SIM1: variants seen among roughly 807,000 people sequenced by gnomAD.
The protein encoded by SIM1 is single-minded homolog 1.
Under a neutral mutation model 78.2 loss-of-function variants are expected in SIM1, and 18 were observed. That is an observed-to-expected ratio of 0.23 (90% CI 0.16 to 0.34). The LOEUF is 0.34. Ranked by LOEUF, SIM1 falls within the 10% of genes least tolerant of loss-of-function variation. SIM1 has a pLI of 1.00. For synonymous variants in SIM1, 417 were observed against 385.2 expected (o/e 1.08, Z -0.97); for missense variants, 939 against 975.1 (o/e 0.96, Z 0.49).
intron 9 of SIM1, among the ~76,000 whole-genome samples, chr6:100,424,024 C>A (rs532219502): frequency 2.0e-5 from 3 of 152,030 alleles, no homozygotes; most frequent in Non-Finnish European, 2.9e-5. Flanking sequence ...AGTGAATAAA[C>A]AAGGATTTAT....
At chr6:100,428,372 T>G (rs1000836257) in intron 9 of SIM1, among the ~76,000 whole-genome samples, 6 of 152,026 alleles carry the variant, frequency 3.9e-5, no homozygotes, top group Admixed American at 6.6e-5. Flanking sequence ...ATACAATATA[T>G]CTACAATAGA....
intron 10 of SIM1, among the ~76,000 whole-genome samples, chr6:100,419,594 G>C (rs990249050): frequency 4.6e-5 from 7 of 152,216 alleles, no homozygotes; most frequent in East Asian, 1.9e-4. Flanking sequence ...AATGACAAAG[G>C]CCACCTTGAT....
chr6:100,446,989 G>C (rs1772372267), intron 9 of SIM1, among the ~76,000 whole-genome samples: 1 of 152,204 alleles, frequency 6.6e-6, no homozygotes, highest in Non-Finnish European at 1.5e-5. Flanking sequence ...TTAATGCAGA[G>C]TTCGCTTAAA....
intron 2 of SIM1, among the ~76,000 whole-genome samples, chr6:100,456,090 T>G (rs1772646927): frequency 6.9e-6 from 1 of 144,142 alleles, no homozygotes; most frequent in African/African-American, 2.6e-5. Flanking sequence ...TTCCCGGAGG[T>G]TTGCCTTCTC....
intron 8 of SIM1, among the ~76,000 whole-genome samples, chr6:100,447,832 G>GT (rs35004858): frequency 1.3e-5 from 2 of 152,232 alleles, no homozygotes; most frequent in African/African-American, 4.8e-5. Flanking sequence ...GCCAGCCTTG[G>GT]TTTTTGTTCA....
chr6:100,399,031 T>G (rs944649907), intron 10 of SIM1, among the ~76,000 whole-genome samples: 1 of 152,012 alleles, frequency 6.6e-6, no homozygotes, highest in African/African-American at 2.4e-5. Flanking sequence ...TTGATTTGCA[T>G]TTCTCTAATG....
At position 100,390,730 on chromosome 6, in the gene SIM1, A is replaced by G. The variant is rs769192530; in HGVS notation, c.1932T>C (p.His644=). The G allele has an allele frequency of 6.2e-7, 1 of 1,614,078 alleles. No individual in the cohort carries two copies. Among genetic ancestry groups the G allele is most frequent in the Non-Finnish European group, 8.5e-7 (1 of 1,180,018 alleles). The part of the protein sequence containing the change: ...QQREGKMLSP[H]ENDYDNSPTA... ...TGGGACTGTTGTCATAGTCATTTTC[A>G]TGGGGGCTCAACATTTTTCCCTCTC... The change falls in exon 12 of 12, where the codon CAT becomes CAC. Residue 644 remains histidine (H), a synonymous_variant. Coordinates refer to ENST00000369208, the MANE Select transcript of SIM1 (RefSeq NM_005068.3).
chr6:100,431,852 C>T (rs75215301), intron 9 of SIM1, among the ~76,000 whole-genome samples: 3,252 of 152,204 alleles, frequency 0.021, 45 homozygotes, highest in East Asian at 0.043. Context: ...TGTCTTAAGC[C>T]GATGGCCCAG....
At chr6:100,434,497 A>G (rs961649320) in intron 9 of SIM1, among the ~76,000 whole-genome samples, 4 of 152,240 alleles carry the variant, frequency 2.6e-5, no homozygotes, top group Admixed American at 6.5e-5. Flanking sequence ...GTACTGAAAC[A>G]AGTGAAGCTC....
intron 6 of SIM1, 126 bp downstream of exon 6, chr6:100,449,235 GCT>G: frequency 2.8e-6 from 2 of 717,588 alleles, no homozygotes; most frequent in Non-Finnish European, 4.8e-6. Context: ...CTGGCCTGCG[GCT>G]CTTCGACGCA....
rs1289177826 is a variant in SIM1, at chr6:100,386,610, C to G, written c.*3751G>C. 6.6e-6 allele frequency: 1 copy of G among 151,982 alleles called. No individual in the cohort carries two copies. The highest frequency in any genetic ancestry group is 1.9e-4 in the East Asian group (1 of 5,194). 9.4% of individuals were successfully genotyped at this position (151,982 alleles called of 1,614,324 possible). On this transcript the variant is annotated 3_prime_UTR_variant, in exon 12 of 12. Coordinates refer to ENST00000369208, the MANE Select transcript of SIM1 (RefSeq NM_005068.3). ...GAAATAAAAATTGGAGCACACTACC[C>G]TTTTCTAGAAGATCCCCTAAAGCTT...
chr6:100,421,809 T>C (rs2114505598), intron 9 of SIM1, among the ~76,000 whole-genome samples: 1 of 152,286 alleles, frequency 6.6e-6, no homozygotes, highest in Non-Finnish European at 1.5e-5. Context: ...TCAGTTTTCA[T>C]AAGAGGATAT....
chr6:100,449,836 G>C (rs1416158752), intron 4 of SIM1, 137 bp from the exon 5 acceptor site: 1 of 671,750 alleles, frequency 1.5e-6, no homozygotes, highest in Non-Finnish European at 2.6e-6. Flanking sequence ...TCCAATGCCA[G>C]CTCTGCTTCT....
rs554428412 is a variant in SIM1 at position 100,414,070 on chromosome 6, G to A, written c.1167+6720C>T. 2.0e-5 allele frequency among the ~76,000 whole-genome samples: 3 copies of A among 152,310 alleles called. No homozygotes were observed. The South Asian group carries it at 6.2e-4, about 32-fold the overall frequency. ...AAACAGGATAGTGACAAATACATTT[G>A]GGGTTATAAGGAAGTTAATTAATGG... On this transcript the variant is annotated intron_variant, in intron 10 of 11. Transcript: ENST00000369208.
intron 10 of SIM1, among the ~76,000 whole-genome samples, chr6:100,407,960 G>C (rs1424608465): frequency 6.6e-6 from 1 of 151,774 alleles, no homozygotes; most frequent in South Asian, 2.1e-4. Flanking sequence ...TGTTTATTTT[G>C]CTATGCAGAA....
chr6:100,452,818 C>T (rs1473585866), intron 3 of SIM1, among the ~76,000 whole-genome samples: 1 of 152,146 alleles, frequency 6.6e-6, no homozygotes, highest in Non-Finnish European at 1.5e-5. Context: ...GCTTGCCCAA[C>T]CCCTTCCTTT....
At chr6:100,439,524 A>T (rs1237073153) in intron 9 of SIM1, among the ~76,000 whole-genome samples, 1 of 152,100 alleles carries the variant, frequency 6.6e-6, no homozygotes, top group African/African-American at 2.4e-5. Flanking sequence ...AAATGCTAAG[A>T]TTCCTACTTC....
chr6:100,436,085 A>T (rs1463727008), intron 9 of SIM1, among the ~76,000 whole-genome samples: 2 of 152,130 alleles, frequency 1.3e-5, no homozygotes, highest in African/African-American at 4.8e-5. Context: ...CTAGCCAGAA[A>T]GCAGTCTAAC....
chr6:100,426,458 C>A (rs1215776392), intron 9 of SIM1, among the ~76,000 whole-genome samples: 1 of 152,180 alleles, frequency 6.6e-6, no homozygotes, highest in Non-Finnish European at 1.5e-5. Flanking sequence ...ACTCATGAGG[C>A]AAATGCCAAC....
Sources: gnomAD v4.1 joint callset for allele counts (sites outside exome capture counted in the v4.1 genomes callset) on GRCh38, gnomAD v4.1.1 for gene constraint, MANE v1.5 for transcripts, NCBI Gene and HGNC (gene_info 2026-07-23, HGNC 2026-07-21) for gene names.